The following POU6F2 variants were observed in gnomAD, a reference collection of about 807,000 sequenced individuals.
POU6F2 encodes POU class 6 homeobox 2, also known as POU domain, class 6, transcription factor 2.
A neutral mutation model predicts 71.3 loss-of-function variants in POU6F2; 31 were observed. That is an observed-to-expected ratio of 0.43 (90% CI 0.33 to 0.59). The LOEUF is 0.59. Among genes scored for constraint, POU6F2 ranks in the 20% least tolerant of loss-of-function variants. POU6F2 has a pLI of 0.04. For synonymous variants in POU6F2, 347 were observed against 355.7 expected (o/e 0.98, Z 0.27); for missense variants, 783 against 856.8 (o/e 0.91, Z 1.07).
At chr7:39,198,356 GTTT>G (rs1793827209) in intron 2 of POU6F2, among the ~76,000 whole-genome samples, 1 of 152,152 alleles carries the variant, frequency 6.6e-6, no homozygotes, top group Admixed American at 6.6e-5. Flanking sequence ...TCTTTTTGTA[GTTT>G]ATCTAACTGT....
chr7:39,364,272 T>TA (rs1373729932), intron 5 of POU6F2, among the ~76,000 whole-genome samples: 8 of 152,108 alleles, frequency 5.3e-5, no homozygotes, highest in Admixed American at 1.3e-4. Context: ...TTTTTTTTTT[T>TA]TTTATTTCCA....
In POU6F2 at chr7:39,221,976, A is replaced by AT. The variant is rs531118796; in HGVS notation, c.598+14363dup. Among the ~76,000 whole-genome samples, 67 of 152,144 alleles carry AT rather than the reference A, an allele frequency of 4.4e-4. No individual in the cohort carries two copies. In the Middle Eastern group the frequency reaches 0.01, roughly 23 times the overall value. On this transcript the variant is annotated intron_variant, in intron 4 of 9. Coordinates refer to ENST00000518318, the MANE Select transcript of POU6F2 (RefSeq NM_001370959.1). The stretch of plus-strand genomic sequence containing the variant: ...CTTAATAAATTAACAAATAAGCTAT[A>AT]TTTTTTTCTGGGATTAAAAAAAAGT...
At chr7:39,259,987 A>C (rs1199136548) in intron 4 of POU6F2, among the ~76,000 whole-genome samples, 1 of 85,542 alleles carries the variant, frequency 1.2e-5, no homozygotes, top group Non-Finnish European at 2.3e-5. Flanking sequence ...ACACACAGTC[A>C]CCACAAGCAC....
chr7:38,981,158 AT>A (rs1363197555), intron 1 of POU6F2, among the ~76,000 whole-genome samples: 1 of 152,156 alleles, frequency 6.6e-6, no homozygotes, highest in Non-Finnish European at 1.5e-5. Context: ...TCATGGGATG[AT>A]TTTCAATTCA....
chr7:39,335,480 A>G (rs1785751243), intron 4 of POU6F2, among the ~76,000 whole-genome samples: 1 of 152,186 alleles, frequency 6.6e-6, no homozygotes, highest in Non-Finnish European at 1.5e-5. Flanking sequence ...ATCTTTCTGC[A>G]TGTGAGCAGT....
chr7:39,306,735 T>C (rs1237339746), intron 4 of POU6F2, among the ~76,000 whole-genome samples: 1 of 152,218 alleles, frequency 6.6e-6, no homozygotes, highest in Non-Finnish European at 1.5e-5. Flanking sequence ...CTAAGGACTT[T>C]CTTTCCAAAT....
chr7:39,340,893 A>C (rs1232084086), intron 5 of POU6F2, among the ~76,000 whole-genome samples: 2 of 152,220 alleles, frequency 1.3e-5, no homozygotes, highest in Non-Finnish European at 1.5e-5. Flanking sequence ...CAGCCAAGCC[A>C]TCCATTCTTT....
chr7:39,201,373 A>G (rs1793898953), intron 2 of POU6F2, among the ~76,000 whole-genome samples: 1 of 152,238 alleles, frequency 6.6e-6, no homozygotes. Flanking sequence ...CCAATAAGCT[A>G]ATAATTTAAA....
At chr7:39,121,514 G>A (rs1314750967) in intron 2 of POU6F2, among the ~76,000 whole-genome samples, 1 of 152,174 alleles carries the variant, frequency 6.6e-6, no homozygotes, top group Non-Finnish European at 1.5e-5. Flanking sequence ...CTCTGTCAAA[G>A]TACGTATTTC....
chr7:39,305,421 C>T (rs2128765665), intron 4 of POU6F2, among the ~76,000 whole-genome samples: 1 of 152,282 alleles, frequency 6.6e-6, no homozygotes, highest in East Asian at 1.9e-4. Flanking sequence ...AACTCTTAAA[C>T]AGTATTTTTT....
intron 5 of POU6F2, among the ~76,000 whole-genome samples, chr7:39,359,979 G>T (rs1447961261): frequency 6.6e-6 from 1 of 152,102 alleles, no homozygotes; most frequent in Non-Finnish European, 1.5e-5. Flanking sequence ...TGCCATTTTT[G>T]TTTAACTACT....
chr7:39,074,942 C>T (rs539112581), intron 1 of POU6F2, among the ~76,000 whole-genome samples: 1 of 152,218 alleles, frequency 6.6e-6, no homozygotes, highest in East Asian at 1.9e-4. Context: ...GTTATTACCC[C>T]ATTTTCCTCT....
chr7:39,111,505 T>C (rs1791813271), intron 2 of POU6F2, among the ~76,000 whole-genome samples: 1 of 152,190 alleles, frequency 6.6e-6, no homozygotes, highest in Admixed American at 6.5e-5. Context: ...TTGCTGTTGT[T>C]GTTAATGGTT....
At chr7:39,405,537 A>C (rs188017831) in intron 5 of POU6F2, among the ~76,000 whole-genome samples, 1 of 152,246 alleles carries the variant, frequency 6.6e-6, no homozygotes, top group African/African-American at 2.4e-5. Context: ...TATTTCCAAC[A>C]CAACAATTGT....
At chr7:39,343,616 C>T (rs1231966644) in intron 5 of POU6F2, among the ~76,000 whole-genome samples, 2 of 152,056 alleles carry the variant, frequency 1.3e-5, no homozygotes, top group African/African-American at 4.8e-5. Flanking sequence ...CTTGAGTGGT[C>T]TGGAGATATG....
chr7:39,464,795 C>G lies in POU6F2; in HGVS notation c.*109C>G, dbSNP rs1315072570. Reference sequence around the variant, plus strand: ...ATTTAATTTAATTTAAAAATAGCCCCAGTCGTCATCACCCTTGTAAGTAAA... The same window carrying G: ...ATTTAATTTAATTTAAAAATAGCCCGAGTCGTCATCACCCTTGTAAGTAAA... On this transcript the variant is annotated 3_prime_UTR_variant, in exon 10 of 10. Coordinates refer to ENST00000518318, the MANE Select transcript of POU6F2 (RefSeq NM_001370959.1). The surrounding 1 kb of genome is among the most constrained non-coding windows in gnomAD (Gnocchi z 4.1). The G allele has an allele frequency of 1.6e-6, 2 of 1,256,890 alleles. No individual in the cohort carries two copies. The highest frequency in any genetic ancestry group is 5.1e-5 in the East Asian group (2 of 39,294). The allele number at this position is 1,256,890 out of a possible 1,614,324, so 77.9% of individuals were successfully genotyped here.
chr7:39,404,010 G>A (rs139420621), intron 5 of POU6F2, among the ~76,000 whole-genome samples: 1 of 152,304 alleles, frequency 6.6e-6, no homozygotes, highest in East Asian at 1.9e-4. Flanking sequence ...TGGAATGACG[G>A]TAGGAAGTAA....
chr7:39,000,462 T>C (rs1309154967), intron 1 of POU6F2, among the ~76,000 whole-genome samples: 1 of 152,046 alleles, frequency 6.6e-6, no homozygotes, highest in African/African-American at 2.4e-5. Flanking sequence ...CCACTGTCTA[T>C]CTTCTGCTAA....
chr7:39,397,074 T>G (rs1255080600), intron 5 of POU6F2, among the ~76,000 whole-genome samples: 1 of 152,076 alleles, frequency 6.6e-6, no homozygotes, highest in Non-Finnish European at 1.5e-5. Context: ...GAGCTAGGTC[T>G]TCACCTTTGG....
Sources: allele counts gnomAD v4.1 joint callset (sites outside exome capture counted in the v4.1 genomes callset), GRCh38; gene constraint gnomAD v4.1.1; non-coding constraint Gnocchi (gnomAD v3.1); transcripts MANE v1.5; gene names NCBI Gene and HGNC (gene_info 2026-07-23, HGNC 2026-07-21).